Variants in PDE6B observed in about 807,000 individuals in gnomAD.
The protein encoded by PDE6B is rod cGMP-specific 3',5'-cyclic phosphodiesterase subunit beta.
A neutral mutation model predicts 109.0 loss-of-function variants in PDE6B; 106 were observed. The observed-to-expected ratio is 0.97, with a 90% CI of 0.83 to 1.14. PDE6B has a LOEUF of 1.14. PDE6B is among the 50% of genes most tolerant of loss of function. PDE6B has a pLI of 0.00. For missense variants in PDE6B, 1,193 were observed against 1,155.6 expected, an observed-to-expected ratio of 1.03 and a Z score of -0.47; for synonymous variants, 490 against 471.3, an observed-to-expected ratio of 1.04 and a Z score of -0.51.
At chr4:661,788 A>G in intron 12 of PDE6B, 1 of 357,390 alleles carries the variant, frequency 2.8e-6, no homozygotes, top group Non-Finnish European at 5.5e-6. Context: ...TCAAATGTCC[A>G]TGCCTAAAAC....
chr4:636,277 G>A lies in PDE6B; in HGVS notation c.711+308G>A, dbSNP rs1211679591. Among the ~76,000 whole-genome samples the A allele has an allele frequency of 2.0e-5, 3 of 152,198 alleles. No homozygotes were observed. Among genetic ancestry groups the A allele is most frequent in the African/African-American group, 4.8e-5 (2 of 41,454 alleles). On this transcript the variant is annotated intron_variant, in intron 3 of 21. Transcript: ENST00000496514. The surrounding 1 kb of genome is among the most constrained non-coding windows in gnomAD (Gnocchi z 4.5). ...CTTGGGAGAAGCCAGTATGAGTGAC[G>A]AGTGAGCAGGGAGCAGAGGGGCTCC...
At chr4:656,770 G>T (rs952401166) in intron 8 of PDE6B, 104 bp from the exon 9 acceptor site, 51 of 1,062,600 alleles carry the variant, frequency 4.8e-5, no homozygotes, top group Middle Eastern at 2.7e-4. Flanking sequence ...GAGCCCAGCC[G>T]TCACGGCTCT....
At chr4:664,252 C>G in intron 17 of PDE6B, 31 bp downstream of exon 17, 1 of 1,217,446 alleles carries the variant, frequency 8.2e-7, no homozygotes, top group South Asian at 1.2e-5. Flanking sequence ...CACGAGGGGT[C>G]CTTCCCTCGC....
chr4:664,613 C>T (rs1308223627), intron 17 of PDE6B, among the ~76,000 whole-genome samples: 1 of 152,092 alleles, frequency 6.6e-6, no homozygotes, highest in East Asian at 1.9e-4. Context: ...GTCAGGAGTT[C>T]GAGATCAGCC....
chr4:668,769 C>T (rs1229857409), intron 21 of PDE6B, among the ~76,000 whole-genome samples: 2 of 76,118 alleles, frequency 2.6e-5, no homozygotes, highest in African/African-American at 6.6e-5. Context: ...TATTCCCCTA[C>T]CCCATGCTGC....
Position 670,314 on chromosome 4 carries a change from C to T in PDE6B, c.*207C>T. 1 of 602,702 alleles carries T rather than the reference C, an allele frequency of 1.7e-6. No homozygotes were observed. The highest frequency in any genetic ancestry group is 2.7e-6 in the Non-Finnish European group (1 of 375,374). The allele number at this position is 602,702 out of a possible 1,614,324, so 37.3% of individuals were successfully genotyped here. On this transcript the variant is annotated 3_prime_UTR_variant, in exon 22 of 22. Coordinates refer to ENST00000496514, the MANE Select transcript of PDE6B (RefSeq NM_000283.4). Reference sequence around the variant, plus strand: ...CTGGAGTGCCGTGGCACGATCTCAGCTCACTGCAACCTCCACCTCCCAGGT... The same window carrying T: ...CTGGAGTGCCGTGGCACGATCTCAGTTCACTGCAACCTCCACCTCCCAGGT...
chr4:641,624 G>A (rs533522909), intron 3 of PDE6B, among the ~76,000 whole-genome samples: 69 of 152,294 alleles, frequency 4.5e-4, no homozygotes, highest in Admixed American at 1.3e-3. Context: ...GCACACAGCC[G>A]TCAGAGACAC....
intron 8 of PDE6B, 40 bp from the exon 9 acceptor site, chr4:656,834 G>C: frequency 6.2e-7 from 1 of 1,609,626 alleles, no homozygotes; most frequent in East Asian, 2.2e-5. Context: ...GCCAGGGCCA[G>C]CCTCAGGGCG....
chr4:660,359 T>G (rs1003156377), intron 11 of PDE6B, 108 bp from the exon 12 acceptor site: 71 of 1,103,290 alleles, frequency 6.4e-5, no homozygotes, highest in Non-Finnish European at 9.3e-5. Context: ...TCCTCAGAGA[T>G]GCCTGAGGTG....
Position 667,977 on chromosome 4 carries a change from A to T in PDE6B, c.2474A>T (p.Glu825Val). 4 of 1,612,894 alleles carry T rather than the reference A, an allele frequency of 2.5e-6. No homozygotes were observed. Among genetic ancestry groups the T allele is most frequent in the Non-Finnish European group, 3.4e-6 (4 of 1,179,596 alleles). ...EAKVKALEEK[E>V]EEERVAAKKV... ...AAAGTGAAGGCTCTGGAGGAGAAGG[A>T]GGAGGAGGAGAGGGTGGCAGCCAAG... The change falls in exon 21 of 22, where the codon GAG becomes GTG. Residue 825 changes from glutamate to valine, a missense_variant. By Grantham distance (121) the Glu-to-Val change is moderately radical. Coordinates refer to ENST00000496514, the MANE Select transcript of PDE6B (RefSeq NM_000283.4).
At position 654,154 on chromosome 4, in the gene PDE6B, G is replaced by A. The variant is rs757404423; in HGVS notation, c.927G>A (p.Arg309=). The change falls in exon 5 of 22, where the codon CGG becomes CGA. Residue 309 remains arginine, a splice_region_variant and synonymous_variant. Coordinates refer to ENST00000496514, the MANE Select transcript of PDE6B (RefSeq NM_000283.4). ...PYSGPRTPDG[R]EIVFYKVIDY... ...CGGGCCCACGCACGCCTGATGGCCG[G>A]GTGAGTCTTAGGGGAGGGGCCCAGG... 1.9e-6 allele frequency: 3 copies of A among 1,613,218 alleles called. No individual in the cohort carries two copies. The highest frequency in any genetic ancestry group is 2.5e-6 in the Non-Finnish European group (3 of 1,179,596).
chr4:657,684 T>C (rs564039825), intron 10 of PDE6B, among the ~76,000 whole-genome samples, 190 bp downstream of exon 10: 977 of 14,350 alleles, frequency 0.068, 11 homozygotes, highest in Admixed American at 0.13. Flanking sequence ...GGCTGTGCGG[T>C]GGGGGCAGGT....
rs756911878 is a variant in PDE6B at position 664,915 on chromosome 4, A to G, written c.2164A>G (p.Ile722Val). The stretch of plus-strand genomic sequence containing the variant: ...GATGACAGCCTGCGACCTGTCTGCC[A>G]TCACCAAGCCCTGGGAAGTCCAGAG... ...MMMTACDLSA[I>V]TKPWEVQSKV... The change falls in exon 18 of 22, where the codon ATC (isoleucine) becomes GTC (valine). Residue 722 changes from isoleucine to valine, a missense_variant. Transcript: ENST00000496514. The G allele has an allele frequency of 6.2e-7, 1 of 1,613,226 alleles. No homozygotes were observed. The highest frequency in any genetic ancestry group is 1.3e-5 in the African/African-American group (1 of 74,944).
In PDE6B at chr4:662,154, C is replaced by T. The variant is rs141813304; in HGVS notation, c.1635C>T (p.Phe545=). Residue 545 remains phenylalanine, a synonymous_variant, in exon 13 of 22, where the codon TTC becomes TTT. Transcript: ENST00000496514. This position sits in a 1 kb window ranked among gnomAD's most constrained non-coding sequence, Gnocchi z 4.3. ...IPQEVLVRFL[F]SISKGYRRIT... ...CCCAGGTCCTGGTGCGGTTCCTGTT[C>T]TCCATCAGCAAAGGGTACCGGAGAA... 8.1e-4 allele frequency: 1,268 copies of T among 1,569,064 alleles called. 9 individuals are homozygous for T. The African/African-American group carries it at 0.015, about 18-fold the overall frequency.
intron 2 of PDE6B, 33 bp downstream of exon 2, chr4:634,862 T>C: frequency 6.3e-7 from 1 of 1,596,382 alleles, no homozygotes; most frequent in Non-Finnish European, 8.6e-7. Context: ...CAGCCGCGCG[T>C]CTGCCTCCCT....
At chr4:653,683 C>A in intron 3 of PDE6B, 169 bp from the exon 4 acceptor site, 1 of 778,864 alleles carries the variant, frequency 1.3e-6, no homozygotes, top group Non-Finnish European at 2.1e-6. Context: ...TCAGATGAAA[C>A]CTGGCCACGG....
Position 657,604 on chromosome 4 carries a change from A to G in PDE6B, c.1401+110A>G, listed in dbSNP as rs530816505. On this transcript the variant is annotated intron_variant, in intron 10 of 21. Transcript: ENST00000496514. Reference sequence around the variant, plus strand: ...CTCGGCTGTGTGGTGGGGGCAGGTCATCCAGGGGTCACCCAGGGGTCACGG... The same window carrying G: ...CTCGGCTGTGTGGTGGGGGCAGGTCGTCCAGGGGTCACCCAGGGGTCACGG... 8.2e-3 allele frequency: 5,892 copies of G among 714,818 alleles called. 84 individuals are homozygous for G. The highest frequency in any genetic ancestry group is 8.3e-3 in the Non-Finnish European group (4,062 of 490,274). The allele number at this position is 714,818 out of a possible 1,614,324, so 44.3% of individuals were successfully genotyped here.
At position 662,761 on chromosome 4, in the gene PDE6B, G is replaced by C; in HGVS notation, c.1832+143G>C. The C allele has an allele frequency of 1.4e-6, 1 of 701,428 alleles. No individual in the cohort carries two copies. The highest frequency in any genetic ancestry group is 2.6e-6 in the Non-Finnish European group (1 of 385,948). The allele number at this position is 701,428 out of a possible 1,614,324, so 43.5% of individuals were successfully genotyped here. On this transcript the variant is annotated intron_variant, in intron 14 of 21. Transcript: ENST00000496514. This position sits in a 1 kb window ranked among gnomAD's most constrained non-coding sequence, Gnocchi z 4.3. The stretch of plus-strand genomic sequence containing the variant: ...CTCCAGCACTGTGGGAGGCCAAGGC[G>C]AGGGGATTGCTTGAGCCCAGGAGTT...
intron 12 of PDE6B, chr4:661,276 CAG>C (rs1384301410): frequency 3.3e-5 from 5 of 152,556 alleles, no homozygotes; most frequent in Non-Finnish European, 7.3e-5. Flanking sequence ...CTGGCAATAA[CAG>C]GGGATTTGGT....
Sources: gnomAD v4.1 joint callset for allele counts (sites outside exome capture counted in the v4.1 genomes callset) on GRCh38, gnomAD v4.1.1 for gene constraint, Gnocchi (gnomAD v3.1) non-coding constraint, MANE v1.5 for transcripts, NCBI Gene and HGNC (gene_info 2026-07-23, HGNC 2026-07-21) for gene names.